The following GRXCR1 variants were observed in gnomAD, a reference collection of about 807,000 sequenced individuals.
GRXCR1 encodes the protein glutaredoxin and cysteine rich domain containing 1.
Under a neutral mutation model 27.3 loss-of-function variants are expected in GRXCR1, and 27 were observed. That is an observed-to-expected ratio of 0.99 (90% CI 0.73 to 1.37). The LOEUF (loss-of-function observed/expected upper bound fraction) is 1.37, where lower values mean the gene tolerates loss of function less well. Ranked by LOEUF, GRXCR1 falls within the 40% of genes most tolerant of loss-of-function variation. The pLI, the probability that GRXCR1 is intolerant of heterozygous loss-of-function variation, is 0.00. For synonymous variants in GRXCR1, 122 were observed against 131.1 expected, an observed-to-expected ratio of 0.93 and a Z score of 0.47; for missense variants, 379 against 354.4, an observed-to-expected ratio of 1.07 and a Z score of -0.56.
chr4:42,957,806 A>T (rs1748041299), intron 1 of GRXCR1, among the ~76,000 whole-genome samples: 1 of 151,652 alleles, frequency 6.6e-6, no homozygotes, highest in South Asian at 2.1e-4. Flanking sequence ...TCTTGGTTAA[A>T]TTTATCTGAT....
intron 1 of GRXCR1, among the ~76,000 whole-genome samples, chr4:42,922,007 C>G (rs1284824854): frequency 6.6e-6 from 1 of 152,134 alleles, no homozygotes; most frequent in African/African-American, 2.4e-5. Flanking sequence ...AGATTTCTCT[C>G]TGTTGCCTGC....
intron 1 of GRXCR1, among the ~76,000 whole-genome samples, chr4:42,897,903 T>C (rs1577896374): frequency 6.6e-6 from 1 of 150,626 alleles, no homozygotes; most frequent in African/African-American, 2.4e-5. Context: ...GTTTATAAAG[T>C]GAACAGAAAA....
At chr4:42,993,891 C>T (rs1712057865) in intron 2 of GRXCR1, among the ~76,000 whole-genome samples, 1 of 152,054 alleles carries the variant, frequency 6.6e-6, no homozygotes, top group South Asian at 2.1e-4. Context: ...GTGGAACAGA[C>T]ATATTGTTCC....
At chr4:42,944,926 G>T (rs1431689160) in intron 1 of GRXCR1, among the ~76,000 whole-genome samples, 1 of 152,052 alleles carries the variant, frequency 6.6e-6, no homozygotes, top group Non-Finnish European at 1.5e-5. Flanking sequence ...TCAGTGTCTT[G>T]GTTGGAGTCA....
At chr4:42,906,334 A>C (rs1238945320) in intron 1 of GRXCR1, among the ~76,000 whole-genome samples, 1 of 152,180 alleles carries the variant, frequency 6.6e-6, no homozygotes, top group African/African-American at 2.4e-5. Context: ...TGGGCAGTCT[A>C]AAACAGAAAG....
At chr4:42,972,341 T>C (rs1748409161) in intron 2 of GRXCR1, among the ~76,000 whole-genome samples, 1 of 152,162 alleles carries the variant, frequency 6.6e-6, no homozygotes, top group South Asian at 2.1e-4. Flanking sequence ...CTTCTTTTAT[T>C]GTTTTGGATC....
At chr4:43,024,511 T>TC (rs5857882) in intron 3 of GRXCR1, among the ~76,000 whole-genome samples, 127,691 of 152,080 alleles carry the variant, frequency 0.84, 54,096 homozygotes, top group East Asian at 0.99. Context: ...GTCATCTGCT[T>TC]TCTCTGAAAT....
intron 2 of GRXCR1, among the ~76,000 whole-genome samples, chr4:43,001,980 T>A (rs1712380814): frequency 1.1e-5 from 1 of 89,270 alleles, no homozygotes; most frequent in Non-Finnish European, 2.4e-5. Flanking sequence ...TATGTTTCTC[T>A]CCACCCAAAC....
intron 2 of GRXCR1, among the ~76,000 whole-genome samples, chr4:42,991,412 A>G (rs1196933135): frequency 2.0e-5 from 3 of 151,314 alleles, no homozygotes; most frequent in Admixed American, 1.3e-4. Flanking sequence ...TTAAAATTTT[A>G]TTTTTTATTA....
intron 1 of GRXCR1, among the ~76,000 whole-genome samples, chr4:42,916,153 G>T (rs372050710): frequency 4.9e-4 from 73 of 149,408 alleles, no homozygotes; most frequent in Non-Finnish European, 9.5e-4. Flanking sequence ...AAAGTTATAA[G>T]CAGGGAAATA....
At chr4:42,952,939 A>G (rs754310797) in intron 1 of GRXCR1, among the ~76,000 whole-genome samples, 4 of 152,206 alleles carry the variant, frequency 2.6e-5, no homozygotes, top group African/African-American at 4.8e-5. Context: ...TTCTGATTCT[A>G]TGCTCACTAA....
At chr4:42,975,651 C>G (rs1275261661) in intron 2 of GRXCR1, among the ~76,000 whole-genome samples, 2 of 152,082 alleles carry the variant, frequency 1.3e-5, no homozygotes, top group African/African-American at 4.8e-5. Flanking sequence ...TAGTCACACT[C>G]CATCATCTTG....
At chr4:42,994,808 T>C (rs28448319) in intron 2 of GRXCR1, among the ~76,000 whole-genome samples, 2,431 of 152,218 alleles carry the variant, frequency 0.016, 73 homozygotes, top group African/African-American at 0.054. Context: ...ATTTTGAAAG[T>C]TCACTGTTAG....
At chr4:43,010,070 G>A (rs551866905) in intron 2 of GRXCR1, among the ~76,000 whole-genome samples, 1 of 152,086 alleles carries the variant, frequency 6.6e-6, no homozygotes. Context: ...GTTAAAAATA[G>A]TTCAACTCCA....
chr4:42,937,229 A>G (rs1394325222), intron 1 of GRXCR1, among the ~76,000 whole-genome samples: 1 of 151,582 alleles, frequency 6.6e-6, no homozygotes, highest in Non-Finnish European at 1.5e-5. Context: ...AGCTTTGGTC[A>G]TTGAAATTGG....
chr4:42,908,339 C>G (rs1041857701), intron 1 of GRXCR1, among the ~76,000 whole-genome samples: 13 of 152,138 alleles, frequency 8.5e-5, no homozygotes, highest in Non-Finnish European at 1.6e-4. Flanking sequence ...CTACCAGGGC[C>G]GAGGTCATGC....
rs372497884 is a variant in GRXCR1 at position 42,974,289 on chromosome 4, T to C, written c.627+11155T>C. On this transcript the variant is annotated intron_variant, in intron 2 of 3. Coordinates refer to ENST00000399770, the MANE Select transcript of GRXCR1 (RefSeq NM_001080476.3). ...AAACTGCATTCTTTGATGAGTCATC[T>C]TCTTGTGGGTTCCTTTATTAGACCT... is the stretch of plus-strand genomic sequence containing the variant. Among the ~76,000 whole-genome samples the C allele has an allele frequency of 6.6e-5, 10 of 152,246 alleles. No homozygotes were observed. In the South Asian group the frequency reaches 2.1e-3, roughly 32 times the overall value.
chr4:42,981,303 T>C (rs1748661630), intron 2 of GRXCR1, among the ~76,000 whole-genome samples: 1 of 152,138 alleles, frequency 6.6e-6, no homozygotes, highest in Non-Finnish European at 1.5e-5. Flanking sequence ...AATTTAACTT[T>C]CATCACAGAA....
At chr4:43,021,028 AG>A (rs1162809906) in intron 3 of GRXCR1, among the ~76,000 whole-genome samples, 4 of 152,198 alleles carry the variant, frequency 2.6e-5, no homozygotes, top group Non-Finnish European at 5.9e-5. Context: ...GAGAGTAAAA[AG>A]TATGCGTTAG....
Sources: gnomAD v4.1 joint callset for allele counts (sites outside exome capture counted in the v4.1 genomes callset) on GRCh38, gnomAD v4.1.1 for gene constraint, MANE v1.5 for transcripts, NCBI Gene and HGNC (gene_info 2026-07-23, HGNC 2026-07-21) for gene names.